The following MMP16 variants were observed in gnomAD, a reference collection of about 807,000 sequenced individuals.
MMP16 encodes the protein matrix metallopeptidase 16.
MMP16 carries 12 observed loss-of-function variants against 67.8 expected under a neutral mutation model. The observed-to-expected ratio is 0.18, with a 90% CI of 0.11 to 0.29. The LOEUF is 0.29. Ranked by LOEUF, MMP16 falls within the 10% of genes least tolerant of loss-of-function variation. MMP16 has a pLI of 1.00. For missense variants in MMP16, 475 were observed against 765.7 expected, an observed-to-expected ratio of 0.62 and a Z score of 4.48; for synonymous variants, 249 against 255.9, an observed-to-expected ratio of 0.97 and a Z score of 0.26.
rs574844553 is a variant in MMP16 at position 88,212,050 on chromosome 8, T to C, written c.133-14744A>G. ...GGCCCCACATCTCCAGTGTCCTGTA[T>C]ATACCAAAGGGCCTTGACCAATCAA... On this transcript the variant is annotated intron_variant, in intron 1 of 9. Transcript: ENST00000286614. 5.9e-5 allele frequency among the ~76,000 whole-genome samples: 9 copies of C among 152,228 alleles called. No individual in the cohort carries two copies. In the South Asian group the frequency reaches 1.0e-3, roughly 18 times the overall value.
At chr8:88,301,483 T>C (rs756134429) in intron 1 of MMP16, among the ~76,000 whole-genome samples, 7 of 152,182 alleles carry the variant, frequency 4.6e-5, no homozygotes, top group Admixed American at 1.3e-4. Context: ...TCTCAAGACA[T>C]GTAAGAAGCT....
intron 1 of MMP16, among the ~76,000 whole-genome samples, chr8:88,282,841 A>G (rs183613119): frequency 6.6e-6 from 1 of 152,300 alleles, no homozygotes; most frequent in East Asian, 1.9e-4. Context: ...TTATATTACT[A>G]AATTTCTTAT....
chr8:88,264,088 T>C (rs149440499), intron 1 of MMP16, among the ~76,000 whole-genome samples: 8,335 of 151,234 alleles, frequency 0.055, 289 homozygotes, highest in South Asian at 0.089. Context: ...TGTGTGTGTG[T>C]GTGTGTGTGT....
chr8:88,251,262 C>G (rs998674119), intron 1 of MMP16, among the ~76,000 whole-genome samples: 1 of 151,756 alleles, frequency 6.6e-6, no homozygotes, highest in Non-Finnish European at 1.5e-5. Context: ...GCTACAGGAA[C>G]CAAAACAGCA....
intron 1 of MMP16, among the ~76,000 whole-genome samples, chr8:88,308,866 A>T (rs1811252406): frequency 6.6e-6 from 1 of 152,100 alleles, no homozygotes; most frequent in Admixed American, 6.6e-5. Context: ...TATAATCAAT[A>T]AAAAGAGAAG....
chr8:88,083,375 G>C (rs1020834326), intron 6 of MMP16, among the ~76,000 whole-genome samples: 6 of 152,010 alleles, frequency 3.9e-5, no homozygotes, highest in African/African-American at 1.4e-4. Context: ...CTGGGCTCAA[G>C]ATAGGCTAAT....
In MMP16 at chr8:88,037,899, G is replaced by C. The variant is rs1312411753; in HGVS notation, c.*3562C>G. 6.6e-6 allele frequency: 1 copy of C among 151,906 alleles called. No individual in the cohort carries two copies. Among genetic ancestry groups the C allele is most frequent in the African/African-American group, 2.4e-5 (1 of 41,406 alleles). The allele number at this position is 151,906 out of a possible 1,614,324, so 9.4% of individuals were successfully genotyped here. On this transcript the variant is annotated 3_prime_UTR_variant, in exon 10 of 10. Transcript: ENST00000286614. ...GAATTATTTTTGCAGGCATGAATGT[G>C]TTTTCATTTCAATTTGGGAAATCCT...
intron 1 of MMP16, among the ~76,000 whole-genome samples, chr8:88,207,800 A>G (rs1021268754): frequency 1.3e-5 from 2 of 152,144 alleles, no homozygotes; most frequent in Non-Finnish European, 2.9e-5. Context: ...ATACCTTTTA[A>G]TCTCCAGTTG....
chr8:88,134,306 C>T (rs543250596), intron 4 of MMP16, among the ~76,000 whole-genome samples: 10 of 151,820 alleles, frequency 6.6e-5, no homozygotes, highest in African/African-American at 2.2e-4. Context: ...TTTCTTCACA[C>T]TTACATAGAT....
Position 88,265,222 on chromosome 8 carries a change from C to CCTTTTTT in MMP16, c.132+61846_132+61852dup, listed in dbSNP as rs1359529551. Among the ~76,000 whole-genome samples the CCTTTTTT allele has an allele frequency of 9.5e-3, 517 of 54,552 alleles. 13 individuals carry two copies. The highest frequency in any genetic ancestry group is 0.042 in the African/African-American group (497 of 11,790). The allele number at this position is 54,552 out of a possible 152,430, so 35.8% of individuals were successfully genotyped here. Reference sequence around the variant, plus strand: ...AAACTAAGGGTAGAAATGACCATTTCCTTTTTTTTTTTTTTTTTTTTCAGA... The same window carrying CCTTTTTT: ...AAACTAAGGGTAGAAATGACCATTTCCTTTTTTCTTTTTTTTTTTTTTTTTTTTCAGA... On this transcript the variant is annotated intron_variant, in intron 1 of 9. Transcript: ENST00000286614.
At chr8:88,220,244 A>C (rs771885844) in intron 1 of MMP16, among the ~76,000 whole-genome samples, 3 of 152,096 alleles carry the variant, frequency 2.0e-5, no homozygotes, top group Non-Finnish European at 4.4e-5. Context: ...ATTATTTTAT[A>C]GTTTATTTTT....
intron 6 of MMP16, among the ~76,000 whole-genome samples, chr8:88,087,700 T>A (rs1043155075): frequency 2.6e-5 from 4 of 151,590 alleles, no homozygotes; most frequent in African/African-American, 9.7e-5. Context: ...TTCCAGCACT[T>A]TGGGAGGCCA....
intron 3 of MMP16, among the ~76,000 whole-genome samples, chr8:88,168,372 C>T (rs952749305): frequency 6.6e-6 from 1 of 152,130 alleles, no homozygotes; most frequent in Non-Finnish European, 1.5e-5. Context: ...TATTTGCACA[C>T]ATCCATTTCA....
chr8:88,282,977 T>C (rs575517798), intron 1 of MMP16, among the ~76,000 whole-genome samples: 10 of 152,188 alleles, frequency 6.6e-5, no homozygotes, highest in Non-Finnish European at 1.3e-4. Context: ...TTCTTTTTTA[T>C]ATATGGCATG....
At chr8:88,110,845 A>G (rs1809322802) in intron 6 of MMP16, among the ~76,000 whole-genome samples, 1 of 151,720 alleles carries the variant, frequency 6.6e-6, no homozygotes, top group Non-Finnish European at 1.5e-5. Flanking sequence ...GTTAATTAAT[A>G]TGATGAAAAG....
At chr8:88,084,207 A>AT (rs1808797255) in intron 6 of MMP16, among the ~76,000 whole-genome samples, 1 of 152,042 alleles carries the variant, frequency 6.6e-6, no homozygotes, top group Non-Finnish European at 1.5e-5. Flanking sequence ...GATAGTGGAC[A>AT]TCTTGATATA....
intron 1 of MMP16, among the ~76,000 whole-genome samples, chr8:88,255,738 T>C (rs982392169): frequency 2.0e-5 from 3 of 152,148 alleles, no homozygotes; most frequent in African/African-American, 7.2e-5. Flanking sequence ...TAAGGGCTGA[T>C]TGTTAGGGAT....
chr8:88,283,502 G>C (rs1465327525), intron 1 of MMP16, among the ~76,000 whole-genome samples: 4 of 152,086 alleles, frequency 2.6e-5, no homozygotes, highest in Non-Finnish European at 4.4e-5. Flanking sequence ...GGCATAATGT[G>C]GTTAGCACTT....
At chr8:88,309,181 A>T (rs181533105) in intron 1 of MMP16, among the ~76,000 whole-genome samples, 1 of 152,192 alleles carries the variant, frequency 6.6e-6, no homozygotes, top group East Asian at 1.9e-4. Context: ...ATGTACTTAG[A>T]TAAGTACACT....
Sources: gnomAD v4.1 joint callset for allele counts (sites outside exome capture counted in the v4.1 genomes callset) on GRCh38, gnomAD v4.1.1 for gene constraint, MANE v1.5 for transcripts, NCBI Gene and HGNC (gene_info 2026-07-23, HGNC 2026-07-21) for gene names.